ARHGAP6: variants seen among roughly 807,000 people sequenced by gnomAD.
ARHGAP6 encodes Rho GTPase activating protein 6.
Under a neutral mutation model 55.7 loss-of-function variants are expected in ARHGAP6, and 16 were observed. The ratio of observed to expected loss-of-function variants is 0.29; its 90% CI spans 0.19 to 0.44. The LOEUF (loss-of-function observed/expected upper bound fraction) is 0.44. ARHGAP6 is among the 20% of genes least tolerant of loss of function. ARHGAP6 has a pLI of 1.00. For synonymous variants in ARHGAP6, 382 were observed against 360.9 expected, an observed-to-expected ratio of 1.06 and a Z score of -0.66; for missense variants, 698 against 808.9, an observed-to-expected ratio of 0.86 and a Z score of 1.66.
intron 2 of ARHGAP6, among the ~76,000 whole-genome samples, chrX:11,253,910 A>T (rs1049873511): frequency 9.0e-6 from 1 of 111,172 alleles, no homozygotes; most frequent in Non-Finnish European, 1.9e-5. Flanking sequence ...TCTCAAAAAA[A>T]AAAAAAAAGT....
Position 11,665,035 on chromosome X carries a change from C to T in ARHGAP6, c.-207G>A, listed in dbSNP as rs1031046778. The T allele has an allele frequency of 2.6e-6, 1 of 381,229 alleles. No homozygotes were observed. The allele number at this position is 381,229 out of a possible 1,213,427, so 31.4% of individuals were successfully genotyped here. On this transcript the variant is annotated 5_prime_UTR_variant, in exon 1 of 13. Transcript: ENST00000337414. ...GCGGCAGGAGCAGCAGATCCATCAC[C>T]AGCCTTCTAGGAAAATGGGTCTGGG... is the stretch of plus-strand genomic sequence containing the variant.
intron 1 of ARHGAP6, among the ~76,000 whole-genome samples, chrX:11,327,761 GGCAATCATAACCT>G (rs1206887160): frequency 3.6e-5 from 4 of 111,709 alleles, no homozygotes; most frequent in Non-Finnish European, 7.5e-5. Context: ...GGAATTTGGG[GGCAATCATAACCT>G]GCTTTTGAGT....
At chrX:11,272,302 T>C (rs1166647827) in intron 1 of ARHGAP6, among the ~76,000 whole-genome samples, 2 of 111,645 alleles carry the variant, frequency 1.8e-5, no homozygotes, top group African/African-American at 6.5e-5. Context: ...GCTCAGACAA[T>C]GATATATTTA....
intron 1 of ARHGAP6, among the ~76,000 whole-genome samples, chrX:11,619,035 A>G (rs188679867): frequency 0.025 from 2,749 of 112,025 alleles, 35 homozygotes; most frequent in Non-Finnish European, 0.041. Context: ...GTTTTAGTAA[A>G]AGTTTTTTTG....
At chrX:11,648,465 C>T (rs1435722775) in intron 1 of ARHGAP6, among the ~76,000 whole-genome samples, 2 of 112,064 alleles carry the variant, frequency 1.8e-5, no homozygotes, top group Admixed American at 9.5e-5. Flanking sequence ...CCTAAAGTTG[C>T]ATCTTACAAT....
intron 1 of ARHGAP6, among the ~76,000 whole-genome samples, chrX:11,500,663 C>CAAAAAAAAAAAAAAA (rs995574477): frequency 3.0e-5 from 1 of 33,611 alleles, no homozygotes; most frequent in African/African-American, 1.1e-4. Context: ...CAGACTCTGT[C>CAAAAAAAAAAAAAAA]AAAAAAAAAA....
chrX:11,552,348 G>A lies in ARHGAP6; in HGVS notation c.588+111893C>T, dbSNP rs551351229. 3.8e-5 allele frequency among the ~76,000 whole-genome samples: 4 copies of A among 106,488 alleles called. No homozygotes were observed. The South Asian group carries it at 1.7e-3, about 45-fold the overall frequency. 92.5% of individuals were successfully genotyped at this position (106,488 alleles called of 115,157 possible). The stretch of plus-strand genomic sequence containing the variant: ...AATGTAACTTTGAACAGCCAATATG[G>A]AAAACAGTATGGAAGTTCCTCAATA... On this transcript the variant is annotated intron_variant, in intron 1 of 12. Transcript: ENST00000337414.
intron 1 of ARHGAP6, among the ~76,000 whole-genome samples, chrX:11,276,215 C>T (rs186277438): frequency 1.8e-5 from 2 of 111,296 alleles, no homozygotes; most frequent in East Asian, 2.9e-4. Flanking sequence ...CACTCATCTC[C>T]CCCCGACCCT....
At chrX:11,581,830 G>A (rs190265303) in intron 1 of ARHGAP6, among the ~76,000 whole-genome samples, 55 of 110,724 alleles carry the variant, frequency 5.0e-4, no homozygotes, top group African/African-American at 1.8e-3. Flanking sequence ...TCATCAAAAT[G>A]TTCTAAAATT....
At chrX:11,512,068 T>C (rs1267761924) in intron 1 of ARHGAP6, among the ~76,000 whole-genome samples, 10 of 111,247 alleles carry the variant, frequency 9.0e-5, no homozygotes, top group South Asian at 3.8e-4. Context: ...CCTTGTGATC[T>C]GTCCGCCTTG....
At chrX:11,587,014 G>T (rs771718971) in intron 1 of ARHGAP6, among the ~76,000 whole-genome samples, 1 of 111,636 alleles carries the variant, frequency 9.0e-6, no homozygotes, top group Non-Finnish European at 1.9e-5. Flanking sequence ...ATTTTTATAC[G>T]TTGATTTTGT....
intron 1 of ARHGAP6, among the ~76,000 whole-genome samples, chrX:11,455,137 A>G (rs5935069): frequency 0.018 from 2,042 of 112,129 alleles, 28 homozygotes; most frequent in Middle Eastern, 0.06. Flanking sequence ...AGAAATTCCT[A>G]TATTTACTAA....
intron 4 of ARHGAP6, 22 bp downstream of exon 4, chrX:11,188,704 CAG>C (rs1490495137): frequency 1.7e-6 from 2 of 1,195,890 alleles, no homozygotes; most frequent in Middle Eastern, 2.4e-4. Context: ...GCACTGGTGT[CAG>C]AGCAAATACT....
At chrX:11,163,908 T>C (rs917285250) in intron 9 of ARHGAP6, among the ~76,000 whole-genome samples, 3 of 109,350 alleles carry the variant, frequency 2.7e-5, no homozygotes, top group Non-Finnish European at 5.9e-5. Flanking sequence ...CTTTGCTCCA[T>C]GGCAACAGGT....
chrX:11,232,470 C>CA (rs1342134402), intron 2 of ARHGAP6, among the ~76,000 whole-genome samples: 83 of 102,231 alleles, frequency 8.1e-4, no homozygotes, highest in South Asian at 3.1e-3. Flanking sequence ...AAAATACACA[C>CA]AAAAAAAAAA....
At chrX:11,377,995 T>C (rs768665260) in intron 1 of ARHGAP6, among the ~76,000 whole-genome samples, 8 of 112,082 alleles carry the variant, frequency 7.1e-5, no homozygotes, top group East Asian at 2.8e-4. Flanking sequence ...GGCTCTTCCC[T>C]GCATCTACAT....
intron 1 of ARHGAP6, among the ~76,000 whole-genome samples, chrX:11,275,719 T>G (rs1301624997): frequency 1.8e-5 from 2 of 111,759 alleles, no homozygotes; most frequent in Non-Finnish European, 3.8e-5. Context: ...TGCTTAGCTC[T>G]TGGGCTTCAC....
At chrX:11,318,514 T>C (rs2048386994) in intron 1 of ARHGAP6, 1 of 112,061 alleles carries the variant, frequency 8.9e-6, no homozygotes, top group Admixed American at 9.5e-5. Context: ...TTTTGCAATC[T>C]ACTATATTTA....
chrX:11,586,688 G>A (rs1483190346), intron 1 of ARHGAP6, among the ~76,000 whole-genome samples: 9 of 111,826 alleles, frequency 8.0e-5, no homozygotes, highest in Non-Finnish European at 1.9e-5. Context: ...TGTTAAAACA[G>A]TTTTTTTCTG....
Sources: allele counts gnomAD v4.1 joint callset (sites outside exome capture counted in the v4.1 genomes callset), GRCh38; gene constraint gnomAD v4.1.1; transcripts MANE v1.5; gene names NCBI Gene and HGNC (gene_info 2026-07-23, HGNC 2026-07-21).